JAK1: variants seen among roughly 807,000 people sequenced by gnomAD.
JAK1 encodes Janus kinase 1.
In JAK1, 16 loss-of-function variants were observed where a neutral mutation model predicts 136.6. The observed-to-expected ratio is 0.12, with a 90% CI of 0.08 to 0.18. JAK1 has a LOEUF of 0.18. Among genes scored for constraint, JAK1 ranks in the 10% least tolerant of loss-of-function variants. JAK1 has a pLI of 1.00. For synonymous variants in JAK1, 492 were observed against 519.5 expected (o/e 0.95, Z 0.72); for missense variants, 859 against 1,450.1 (o/e 0.59, Z 6.62).
intron 4 of JAK1, among the ~76,000 whole-genome samples, chr1:64,875,660 C>CT: frequency 6.6e-6 from 1 of 152,294 alleles, no homozygotes; most frequent in African/African-American, 2.4e-5. Flanking sequence ...ACGAAAGTGA[C>CT]TGAGAATTTG....
chr1:65,016,973 C>A (rs916075668), intron 2 of JAK1, among the ~76,000 whole-genome samples: 10 of 151,916 alleles, frequency 6.6e-5, no homozygotes, highest in African/African-American at 2.2e-4. Flanking sequence ...TTTAAAATTA[C>A]AACAATAAAG....
In JAK1 at chr1:64,984,959, A is replaced by T; in HGVS notation, c.-78+59521T>A. 3 of 1,004,556 alleles carry T rather than the reference A, an allele frequency of 3.0e-6. No individual in the cohort carries two copies. The highest frequency in any genetic ancestry group is 4.8e-6 in the Non-Finnish European group (3 of 628,448). 62.2% of individuals were successfully genotyped at this position (1,004,556 alleles called of 1,614,324 possible). On this transcript the variant is annotated intron_variant, in intron 2 of 25. Coordinates refer to the JAK1 transcript ENST00000671954. This position sits in a 1 kb window ranked among gnomAD's most constrained non-coding sequence, Gnocchi z 4.1. ...TAAACCAGGGAATGTGGTCTGGCCC[A>T]ATTTCAAAGAAGACCACAAAGACCA...
chr1:65,050,039 C>T (rs910432808), intron 1 of JAK1, among the ~76,000 whole-genome samples: 1 of 152,136 alleles, frequency 6.6e-6, no homozygotes, highest in African/African-American at 2.4e-5. Context: ...AGGAAAATGC[C>T]GCAGAGATGC....
At position 64,846,698 on chromosome 1, in the gene JAK1, G is replaced by T. The variant is rs2101008864; in HGVS notation, c.1938C>A (p.Ser646=). 1 of 1,614,106 alleles carries T rather than the reference G, an allele frequency of 6.2e-7. No individual in the cohort carries two copies. Among genetic ancestry groups the T allele is most frequent in the Non-Finnish European group, 8.5e-7 (1 of 1,180,008 alleles). The part of the protein sequence containing the change: ...FEAASMMRQV[S]HKHIVYLYGV... ...CATAGAGGTACACGATGTGTTTGTG[G>T]GAGACCTGTCTCATCATGCTGGCTG... The change falls in exon 14 of 25, where the codon TCC becomes TCA. Residue 646 remains serine, a synonymous_variant. Transcript: ENST00000342505.
At position 64,943,791 on chromosome 1, in the gene JAK1, A is replaced by G. The variant is rs1471252706; in HGVS notation, c.-78+22542T>C. ...ACTTGAGGAAAAATATTTGTACCAT[A>G]TGTGACAGAAAACTAATATCCTTAA... On this transcript the variant is annotated intron_variant, in intron 1 of 24. Coordinates refer to ENST00000342505, the MANE Select transcript of JAK1 (RefSeq NM_002227.4). Among the ~76,000 whole-genome samples the G allele has an allele frequency of 2.6e-5, 4 of 151,798 alleles. No homozygotes were observed. The East Asian group carries it at 7.7e-4, about 29-fold the overall frequency.
chr1:65,030,217 G>A (rs1647010721), intron 2 of JAK1, among the ~76,000 whole-genome samples: 1 of 152,194 alleles, frequency 6.6e-6, no homozygotes, highest in Non-Finnish European at 1.5e-5. Context: ...GCTCTCACAA[G>A]GAACTGAACC....
At chr1:64,846,912 C>T (rs1655272291) in intron 13 of JAK1, 176 bp from the exon 14 acceptor site, 2 of 593,612 alleles carry the variant, frequency 3.4e-6, no homozygotes, top group Admixed American at 2.9e-5. Context: ...AAGCCTTGTT[C>T]TCTGGGCCAA....
intron 1 of JAK1, among the ~76,000 whole-genome samples, chr1:65,052,529 C>T (rs2935412): frequency 0.83 from 126,428 of 151,718 alleles, 52,824 homozygotes; most frequent in South Asian, 0.93. Context: ...AATACAAAAT[C>T]AGGCTGGGCG....
At chr1:64,949,013 G>C (rs542623445) in intron 1 of JAK1, among the ~76,000 whole-genome samples, 29 of 152,188 alleles carry the variant, frequency 1.9e-4, no homozygotes, top group Non-Finnish European at 3.8e-4. Context: ...GGTCAGAAGG[G>C]CTGGAGTGCT....
chr1:64,875,411 G>A (rs1657340980), intron 4 of JAK1, among the ~76,000 whole-genome samples: 1 of 152,210 alleles, frequency 6.6e-6, no homozygotes, highest in Admixed American at 6.5e-5. Context: ...GGCATCATTC[G>A]AGCAATGCCG....
intron 1 of JAK1, among the ~76,000 whole-genome samples, chr1:64,927,602 T>C (rs1413714312): frequency 6.6e-6 from 1 of 152,198 alleles, no homozygotes; most frequent in Non-Finnish European, 1.5e-5. Context: ...GAAGTAGCTG[T>C]TGAATTAATA....
At chr1:65,062,267 C>T (rs1448251416) in intron 1 of JAK1, among the ~76,000 whole-genome samples, 3 of 152,126 alleles carry the variant, frequency 2.0e-5, no homozygotes, top group Non-Finnish European at 2.9e-5. Flanking sequence ...TCTGATTTTG[C>T]TCTACATCAC....
In JAK1 at chr1:65,003,737, A is replaced by G. The variant is rs1011995788; in HGVS notation, c.-78+40743T>C. 15 of 92,362 alleles carry G rather than the reference A, an allele frequency of 1.6e-4. No individual in the cohort carries two copies. The Admixed American group carries it at 1.9e-3, about 12-fold the overall frequency. 5.7% of individuals were successfully genotyped at this position (92,362 alleles called of 1,614,324 possible). ...ATGGGTGCGTTTTCCCCTCTTTATG[A>G]AAAAAAAAAATGCCTTCTGTAGTAA... On this transcript the variant is annotated intron_variant, in intron 2 of 25. Coordinates refer to the JAK1 transcript ENST00000671954.
At chr1:64,979,924 C>A (rs531570704) in intron 2 of JAK1, 1 of 152,244 alleles carries the variant, frequency 6.6e-6, no homozygotes, top group South Asian at 2.1e-4. Context: ...ATATCCTTCC[C>A]AGAATTGTTA....
Position 64,886,250 on chromosome 1 carries a change from T to C in JAK1, c.6+9A>G, listed in dbSNP as rs373654098. Reference sequence around the variant, plus strand: ...TTTTCCTTTTTTAAAAATATGCAAATCTACATACCTGCATTTATTCAGCTG... The same window carrying C: ...TTTTCCTTTTTTAAAAATATGCAAACCTACATACCTGCATTTATTCAGCTG... On this transcript the variant is annotated intron_variant, in intron 2 of 24. Coordinates refer to ENST00000342505, the MANE Select transcript of JAK1 (RefSeq NM_002227.4). 101 of 1,571,366 alleles carry C rather than the reference T, an allele frequency of 6.4e-5. No individual in the cohort carries two copies. The highest frequency in any genetic ancestry group is 8.2e-5 in the Non-Finnish European group (94 of 1,151,064).
chr1:64,860,243 T>A lies in JAK1; in HGVS notation c.1196A>T (p.His399Leu). 6.2e-7 allele frequency: 1 copy of A among 1,605,754 alleles called. No individual in the cohort carries two copies. Among genetic ancestry groups the A allele is most frequent in the Non-Finnish European group, 8.5e-7 (1 of 1,174,576 alleles). ...NKKMELKLSS[H>L]EEALSFVSLV... ...GGACACAAAGGACAAGGCCTCCTCG[T>A]GGGAAGAGAGCTTCAGTTCCTGTTG... Residue 399 changes from histidine (H) to leucine (L), a missense_variant, in exon 9 of 25, where the codon CAC becomes CTC. By Grantham distance (99) the His-to-Leu change is moderately conservative (BLOSUM62 -3). This residue lies in a region of JAK1 where 353 missense variants were observed against 494.0 expected (regional missense o/e 0.71). Coordinates refer to ENST00000342505, the MANE Select transcript of JAK1 (RefSeq NM_002227.4).
At chr1:64,869,124 A>T (rs950564916) in intron 6 of JAK1, among the ~76,000 whole-genome samples, 187 bp downstream of exon 6, 1 of 152,232 alleles carries the variant, frequency 6.6e-6, no homozygotes, top group Non-Finnish European at 1.5e-5. Context: ...ATTAGCAGCC[A>T]ACATCCAAAA....
intron 1 of JAK1, among the ~76,000 whole-genome samples, chr1:64,948,678 T>A (rs1199380765): frequency 6.6e-6 from 1 of 152,180 alleles, no homozygotes; most frequent in East Asian, 1.9e-4. Context: ...AATTTAATCA[T>A]AACAGGGGAA....
intron 11 of JAK1, among the ~76,000 whole-genome samples, chr1:64,853,147 A>G (rs1372282902): frequency 6.6e-6 from 1 of 152,220 alleles, no homozygotes; most frequent in Non-Finnish European, 1.5e-5. Flanking sequence ...AGAACCCAAC[A>G]CAATATTCTC....
Sources: gnomAD v4.1 joint callset for allele counts (sites outside exome capture counted in the v4.1 genomes callset) on GRCh38, gnomAD v4.1.1 for gene constraint, gnomAD v4.1.1 regional missense constraint, Gnocchi (gnomAD v3.1) non-coding constraint, MANE v1.5 for transcripts, NCBI Gene and HGNC (gene_info 2026-07-23, HGNC 2026-07-21) for gene names.